Variants in RTN1 observed in about 807,000 individuals in gnomAD.
RTN1 encodes reticulon-1.
Under a neutral mutation model 65.5 loss-of-function variants are expected in RTN1, and 25 were observed. The observed-to-expected ratio is 0.38, with a 90% CI of 0.28 to 0.53. The LOEUF is 0.53. Ranked by LOEUF, RTN1 falls within the 20% of genes least tolerant of loss-of-function variation. RTN1 has a pLI of 0.79. For missense variants in RTN1, 983 were observed against 1,025.4 expected (o/e 0.96, Z 0.57); for synonymous variants, 471 against 447.6 (o/e 1.05, Z -0.66).
intron 2 of RTN1, among the ~76,000 whole-genome samples, chr14:59,728,796 T>C (rs967440557): frequency 1.3e-5 from 2 of 152,224 alleles, no homozygotes; most frequent in Non-Finnish European, 2.9e-5. Flanking sequence ...TCCATATTCA[T>C]TCATCTGTTA....
At chr14:59,763,534 T>TC (rs1402052213) in intron 1 of RTN1, among the ~76,000 whole-genome samples, 100 of 52,962 alleles carry the variant, frequency 1.9e-3, no homozygotes, top group Admixed American at 2.7e-3. Flanking sequence ...TTTCTTTCTT[T>TC]TTTTTTTTTT....
At chr14:59,801,570 A>T (rs556889627) in intron 1 of RTN1, among the ~76,000 whole-genome samples, 1 of 152,318 alleles carries the variant, frequency 6.6e-6, no homozygotes, top group South Asian at 2.1e-4. Context: ...TAGCAAGGAG[A>T]ATCACTATCA....
At chr14:59,814,456 C>T (rs1886784456) in intron 1 of RTN1, among the ~76,000 whole-genome samples, 1 of 152,230 alleles carries the variant, frequency 6.6e-6, no homozygotes. Flanking sequence ...GTCTGCTCTA[C>T]ATCCGAAAGC....
intron 3 of RTN1, among the ~76,000 whole-genome samples, chr14:59,697,431 T>G (rs1884085763): frequency 6.6e-6 from 1 of 152,150 alleles, no homozygotes; most frequent in Non-Finnish European, 1.5e-5. Context: ...GTTTACAGAA[T>G]TGAATTTAAA....
rs569437372 is a variant in RTN1, at chr14:59,755,876, G to T, written c.242-9395C>A. ...AGTCAAAGCTGATGAACATGTTTGGGGGTTTAAGAATATGAGTAACTACTC... is the reference window on the plus strand; with the variant it reads ...AGTCAAAGCTGATGAACATGTTTGGTGGTTTAAGAATATGAGTAACTACTC... On this transcript the variant is annotated intron_variant, in intron 1 of 8. Coordinates refer to ENST00000267484, the MANE Select transcript of RTN1 (RefSeq NM_021136.3). 6.6e-5 allele frequency among the ~76,000 whole-genome samples: 10 copies of T among 152,160 alleles called. 1 individual carries two copies. Among genetic ancestry groups the T allele is most frequent in the Admixed American group, 2.0e-4 (3 of 15,286 alleles).
At chr14:59,827,754 C>T (rs1335392226) in intron 1 of RTN1, among the ~76,000 whole-genome samples, 2 of 152,198 alleles carry the variant, frequency 1.3e-5, no homozygotes, top group East Asian at 3.9e-4. Context: ...ACCCAAGTCA[C>T]TTATAATAGC....
chr14:59,799,840 T>C (rs1886507448), intron 1 of RTN1, among the ~76,000 whole-genome samples: 1 of 152,198 alleles, frequency 6.6e-6, no homozygotes, highest in Middle Eastern at 3.4e-3. Flanking sequence ...TTCCGTACTT[T>C]TCAAGAGCTT....
At chr14:59,736,920 A>T (rs1394468285) in intron 2 of RTN1, among the ~76,000 whole-genome samples, 1 of 152,222 alleles carries the variant, frequency 6.6e-6, no homozygotes, top group Non-Finnish European at 1.5e-5. Context: ...AAACCACATG[A>T]TTATCTCAAT....
chr14:59,844,008 T>G (rs1220597203), intron 1 of RTN1, among the ~76,000 whole-genome samples: 1 of 152,228 alleles, frequency 6.6e-6, no homozygotes, highest in Admixed American at 6.5e-5. Flanking sequence ...AAAGGCTGCT[T>G]TGAGAATCTC....
intron 3 of RTN1, among the ~76,000 whole-genome samples, chr14:59,664,728 T>C (rs1013998962): frequency 6.6e-6 from 1 of 152,214 alleles, no homozygotes; most frequent in South Asian, 2.1e-4. Context: ...TTCCATGTTA[T>C]GGATGTACCA....
intron 3 of RTN1, among the ~76,000 whole-genome samples, chr14:59,687,505 C>T (rs1883872128): frequency 6.6e-6 from 1 of 151,586 alleles, no homozygotes; most frequent in African/African-American, 2.4e-5. Context: ...CTTGAGTCAG[C>T]CCATCCTTCC....
At chr14:59,662,727 T>C (rs1883278774) in intron 3 of RTN1, among the ~76,000 whole-genome samples, 1 of 152,120 alleles carries the variant, frequency 6.6e-6, no homozygotes, top group Admixed American at 6.5e-5. Context: ...AAGGACCTCT[T>C]CAAGGAGAAC....
intron 3 of RTN1, among the ~76,000 whole-genome samples, chr14:59,608,529 A>T (rs957814980): frequency 6.6e-6 from 1 of 152,238 alleles, no homozygotes; most frequent in Non-Finnish European, 1.5e-5. Context: ...AGGTGACATA[A>T]GGAATTTTTG....
At chr14:59,713,548 G>T (rs1884468837) in intron 3 of RTN1, among the ~76,000 whole-genome samples, 1 of 152,128 alleles carries the variant, frequency 6.6e-6, no homozygotes, top group African/African-American at 2.4e-5. Context: ...GCTGAGAATG[G>T]GTCCTTGGAC....
At chr14:59,671,934 A>T (rs1261598270) in intron 3 of RTN1, among the ~76,000 whole-genome samples, 1 of 152,244 alleles carries the variant, frequency 6.6e-6, no homozygotes, top group Admixed American at 6.5e-5. Context: ...GCCTGATATT[A>T]TATTTCTGAC....
intron 1 of RTN1, among the ~76,000 whole-genome samples, chr14:59,856,939 T>C (rs954183678): frequency 4.6e-5 from 7 of 152,134 alleles, no homozygotes; most frequent in Non-Finnish European, 8.8e-5. Flanking sequence ...TCATGCAATG[T>C]CATATATGAA....
At chr14:59,756,832 C>CTTTTTTT (rs199966170) in intron 1 of RTN1, among the ~76,000 whole-genome samples, 1 of 110,294 alleles carries the variant, frequency 9.1e-6, no homozygotes, top group African/African-American at 4.4e-5. Flanking sequence ...CTCCATAATT[C>CTTTTTTT]TTTTTTTTGT....
intron 1 of RTN1, among the ~76,000 whole-genome samples, chr14:59,814,050 A>G (rs936998570): frequency 6.6e-6 from 1 of 152,066 alleles, no homozygotes. Flanking sequence ...CCAGGCAGGG[A>G]CTCCTGTGAA....
At chr14:59,692,671 GC>G (rs1883985266) in intron 3 of RTN1, among the ~76,000 whole-genome samples, 1 of 152,088 alleles carries the variant, frequency 6.6e-6, no homozygotes, top group Non-Finnish European at 1.5e-5. Context: ...ATACTGTAAG[GC>G]TATAGTAACC....
Sources: gnomAD v4.1 joint callset for allele counts (sites outside exome capture counted in the v4.1 genomes callset) on GRCh38, gnomAD v4.1.1 for gene constraint, MANE v1.5 for transcripts, NCBI Gene and HGNC (gene_info 2026-07-23, HGNC 2026-07-21) for gene names.